The following SLCO1A2 variants were observed in gnomAD, a reference collection of about 807,000 sequenced individuals.
SLCO1A2 encodes the protein solute carrier organic anion transporter family member 1A2, also known as OATP-1.
In SLCO1A2, 67 loss-of-function variants were observed where a neutral mutation model predicts 69.0. The observed-to-expected ratio is 0.97, with a 90% CI of 0.80 to 1.19. The LOEUF (loss-of-function observed/expected upper bound fraction) is 1.19. Among genes scored for constraint, SLCO1A2 ranks in the 50% most tolerant of loss-of-function variants. The probability of loss-of-function intolerance (pLI) is 0.00; values close to 1 mark genes in which losing one functional copy is unlikely to be tolerated. For missense variants in SLCO1A2, 787 were observed against 793.7 expected (o/e 0.99, Z 0.10); for synonymous variants, 260 against 265.9 (o/e 0.98, Z 0.22).
chr12:21,290,881 G>T (rs1029186078), intron 12 of SLCO1A2, among the ~76,000 whole-genome samples: 2 of 151,214 alleles, frequency 1.3e-5, no homozygotes, highest in African/African-American at 4.9e-5. Context: ...AAAGAAGACA[G>T]ACTAAGTGAA....
upstream of SLCO1A2, among the ~76,000 whole-genome samples, chr12:21,395,737 T>C (rs2137172662): frequency 6.6e-6 from 1 of 152,218 alleles, no homozygotes; most frequent in East Asian, 1.9e-4. Context: ...GCAGCCTAAC[T>C]GGGAGGCACC....
intron 2 of SLCO1A2, among the ~76,000 whole-genome samples, chr12:21,359,424 A>G (rs537011576): frequency 1.3e-5 from 2 of 152,308 alleles, no homozygotes; most frequent in African/African-American, 4.8e-5. Flanking sequence ...CAAACCTGAA[A>G]TCGCCTGGCT....
At chr12:21,369,296 C>T (rs571634988) in intron 2 of SLCO1A2, among the ~76,000 whole-genome samples, 1 of 152,214 alleles carries the variant, frequency 6.6e-6, no homozygotes, top group Non-Finnish European at 1.5e-5. Flanking sequence ...ATGAATATGA[C>T]TTGGAGTCAT....
intron 12 of SLCO1A2, among the ~76,000 whole-genome samples, chr12:21,287,009 T>G (rs1945937877): frequency 7.3e-6 from 1 of 136,698 alleles, no homozygotes; most frequent in Non-Finnish European, 1.6e-5. Flanking sequence ...AATTGACAAA[T>G]GGGATCTAAT....
chr12:21,310,085 A>G (rs2136598959), intron 4 of SLCO1A2, among the ~76,000 whole-genome samples: 1 of 152,232 alleles, frequency 6.6e-6, no homozygotes, highest in East Asian at 1.9e-4. Flanking sequence ...CGCATGGTTC[A>G]GTGGTAAAAA....
chr12:21,364,198 C>G, intron 2 of SLCO1A2, among the ~76,000 whole-genome samples: 1 of 152,180 alleles, frequency 6.6e-6, no homozygotes, highest in Non-Finnish European at 1.5e-5. Context: ...GCTTATCCAC[C>G]ATGATCAAGT....
Position 21,300,539 on chromosome 12 carries a change from C to G in SLCO1A2, c.719G>C (p.Arg240Pro), listed in dbSNP as rs371960486. 6.2e-7 allele frequency: 1 copy of G among 1,612,270 alleles called. No individual in the cohort carries two copies. Among genetic ancestry groups the G allele is most frequent in the Non-Finnish European group, 8.5e-7 (1 of 1,179,136 alleles). ...DDLIITPTDT[R>P]WVGAWWFGFL... ...GCCAAACCACCATGCACCGACCCAA[C>G]GAGTGTCAGTGGGAGTTATGATCAG... The change falls in exon 8 of 15, where the codon CGT becomes CCT. Residue 240 changes from arginine to proline, a missense_variant. Physicochemically the swap from Arg to Pro is moderately radical, Grantham distance 103. Transcript: ENST00000683939.
At chr12:21,321,914 T>G (rs557688353) in intron 2 of SLCO1A2, among the ~76,000 whole-genome samples, 1 of 152,130 alleles carries the variant, frequency 6.6e-6, no homozygotes, top group South Asian at 2.1e-4. Context: ...TGTCTATAAG[T>G]TCCTCTCTCA....
intron 2 of SLCO1A2, among the ~76,000 whole-genome samples, chr12:21,321,186 C>G (rs1408736413): frequency 6.6e-6 from 1 of 152,198 alleles, no homozygotes; most frequent in Non-Finnish European, 1.5e-5. Flanking sequence ...TTCCCTCCCC[C>G]ATGCATACCT....
At chr12:21,298,290 T>C (rs1004463079) in intron 8 of SLCO1A2, among the ~76,000 whole-genome samples, 1 of 152,198 alleles carries the variant, frequency 6.6e-6, no homozygotes, top group Non-Finnish European at 1.5e-5. Flanking sequence ...GAGCCAAATG[T>C]GTGGCCTGCC....
intron 3 of SLCO1A2, among the ~76,000 whole-genome samples, chr12:21,318,458 C>T (rs1035095438): frequency 6.6e-6 from 1 of 152,034 alleles, no homozygotes; most frequent in Non-Finnish European, 1.5e-5. Context: ...AAGATGGAAC[C>T]CTTAGTATCC....
rs369505302 is a variant in SLCO1A2 at position 21,320,480 on chromosome 12, T to C, written c.61-1557A>G. Among the ~76,000 whole-genome samples, 254 of 152,184 alleles carry C rather than the reference T, an allele frequency of 1.7e-3. 8 individuals carry two copies. The South Asian group carries it at 0.051, about 31-fold the overall frequency. Reference sequence around the variant, plus strand: ...CCGTTATTGCTCTTTTCTCTCTCTCTCTTTTTTGTTTTGTTTTGTGTTGTT... The same window carrying C: ...CCGTTATTGCTCTTTTCTCTCTCTCCCTTTTTTGTTTTGTTTTGTGTTGTT... On this transcript the variant is annotated intron_variant, in intron 2 of 14. Coordinates refer to ENST00000683939, the MANE Select transcript of SLCO1A2 (RefSeq NM_001386879.1).
At chr12:21,322,358 T>C (rs1185900476) in intron 2 of SLCO1A2, among the ~76,000 whole-genome samples, 6 of 152,190 alleles carry the variant, frequency 3.9e-5, no homozygotes, top group Non-Finnish European at 4.4e-5. Flanking sequence ...CCTGACAACA[T>C]GTGCCCAAGA....
chr12:21,318,413 C>T (rs1241353755), intron 3 of SLCO1A2, among the ~76,000 whole-genome samples: 1 of 152,142 alleles, frequency 6.6e-6, no homozygotes, highest in African/African-American at 2.4e-5. Flanking sequence ...GCCACCTCGC[C>T]CGGCGGTCTT....
At chr12:21,288,874 ATTTAT>A (rs567881036) in intron 12 of SLCO1A2, among the ~76,000 whole-genome samples, 94 of 151,626 alleles carry the variant, frequency 6.2e-4, no homozygotes, top group African/African-American at 2.2e-3. Flanking sequence ...TTTACTTCTG[ATTTAT>A]TTTATGTATA....
intron 1 of SLCO1A2, among the ~76,000 whole-genome samples, chr12:21,411,043 T>G (rs1245191330): frequency 1.3e-5 from 2 of 152,218 alleles, no homozygotes; most frequent in African/African-American, 4.8e-5. Flanking sequence ...AATTTCATTC[T>G]TTATGTTGGC....
intron 9 of SLCO1A2, among the ~76,000 whole-genome samples, chr12:21,297,185 T>TCCCTA (rs1947842212): frequency 6.6e-6 from 1 of 152,060 alleles, no homozygotes; most frequent in African/African-American, 2.4e-5. Context: ...CCTCTTCCCT[T>TCCCTA]CCCTACCCTT....
intron 1 of SLCO1A2, among the ~76,000 whole-genome samples, chr12:21,394,580 CAACAAAA>C (rs1168063188): frequency 7.2e-6 from 1 of 138,164 alleles, no homozygotes; most frequent in Non-Finnish European, 1.6e-5. Flanking sequence ...CACACACACA[CAACAAAA>C]AACAAAAAAA....
rs572570708 is a variant in SLCO1A2 at position 21,373,113 on chromosome 12, A to G, written c.-63+1286T>C. 4 of 552,480 alleles carry G rather than the reference A, an allele frequency of 7.2e-6. No individual in the cohort carries two copies. In the East Asian group the frequency reaches 1.3e-4, roughly 17 times the overall value. The allele number at this position is 552,480 out of a possible 1,614,324, so 34.2% of individuals were successfully genotyped here. The stretch of plus-strand genomic sequence containing the variant: ...AAAGGCTAAAGGGAGAATGTATTAC[A>G]ATATAAATGTTCAGATTGCTTAGAG... On this transcript the variant is annotated intron_variant, in intron 2 of 15. Coordinates refer to the SLCO1A2 transcript ENST00000307378.
Sources: allele counts gnomAD v4.1 joint callset (sites outside exome capture counted in the v4.1 genomes callset), GRCh38; gene constraint gnomAD v4.1.1; transcripts MANE v1.5; gene names NCBI Gene and HGNC (gene_info 2026-07-23, HGNC 2026-07-21).